KRT80: variants seen among roughly 807,000 people sequenced by gnomAD.
KRT80 encodes the protein keratin 80.
In KRT80, 36 loss-of-function variants were observed where a neutral mutation model predicts 51.5. The observed-to-expected ratio is 0.70, with a 90% CI of 0.54 to 0.92. The LOEUF is 0.92. Ranked by LOEUF, KRT80 falls within the 40% of genes least tolerant of loss-of-function variation. The pLI, the probability that KRT80 is intolerant of heterozygous loss-of-function variation, is 0.00. For missense variants in KRT80, 566 were observed against 591.7 expected, an observed-to-expected ratio of 0.96 and a Z score of 0.45; for synonymous variants, 235 against 248.3, an observed-to-expected ratio of 0.95 and a Z score of 0.50.
chr12:52,180,751 G>A (rs1169907163), intron 3 of KRT80, 143 bp from the exon 4 acceptor site: 2 of 1,587,208 alleles, frequency 1.3e-6, no homozygotes. Context: ...GGAGCTGGAT[G>A]GGGATGGGGG....
rs11170031 is a variant in KRT80, at chr12:52,173,500, C to T, written c.831+100G>A. 3.0e-3 allele frequency: 3,541 copies of T among 1,179,050 alleles called. 88 individuals are homozygous for T. The African/African-American group carries it at 0.045, about 15-fold the overall frequency. 73.0% of individuals were successfully genotyped at this position (1,179,050 alleles called of 1,614,324 possible). ...ATTCCTCTCTCATAGACTTTCAGGA[C>T]AGAGAGCTGCAGGCAACCTCAGCCA... On this transcript the variant is annotated intron_variant, in intron 5 of 8. Coordinates refer to ENST00000394815, the MANE Select transcript of KRT80 (RefSeq NM_182507.3).
chr12:52,184,471 C>T (rs1255686724), intron 2 of KRT80, among the ~76,000 whole-genome samples: 1 of 152,230 alleles, frequency 6.6e-6, no homozygotes, highest in Non-Finnish European at 1.5e-5. Flanking sequence ...CAAAGACCTG[C>T]TGTGTGCTGA....
chr12:52,170,378 C>A lies in KRT80; in HGVS notation c.*1020G>T. 6.6e-6 allele frequency: 1 copy of A among 152,530 alleles called. No individual in the cohort carries two copies. 9.4% of individuals were successfully genotyped at this position (152,530 alleles called of 1,614,324 possible). A position where few individuals can be genotyped will look rare whatever the true frequency, so the allele number is the denominator to read the frequency against. ...GAATGCCAAGGAGGGGAGGGCCAGG[C>A]TATTTGGCCCAGTGGAGAGGAGAAC... is the stretch of plus-strand genomic sequence containing the variant. On this transcript the variant is annotated 3_prime_UTR_variant, in exon 9 of 9. Transcript: ENST00000394815.
chr12:52,172,994 C>T lies in KRT80; in HGVS notation c.957+44G>A, dbSNP rs536898620. ...TTCAGCACACATGACTGTGTGTCTCCCTGCTCTCCTCCCCGCCCCCAGGCG... is the reference window on the plus strand; with the variant it reads ...TTCAGCACACATGACTGTGTGTCTCTCTGCTCTCCTCCCCGCCCCCAGGCG... On this transcript the variant is annotated intron_variant, in intron 6 of 8. Transcript: ENST00000394815. 3.8e-6 allele frequency: 6 copies of T among 1,583,436 alleles called. No individual in the cohort carries two copies. In the African/African-American group the frequency reaches 6.7e-5, roughly 18 times the overall value.
chr12:52,172,435 A>C lies in KRT80; in HGVS notation c.958-17T>G, dbSNP rs370746229. On this transcript the variant is annotated splice_polypyrimidine_tract_variant and intron_variant, in intron 6 of 8. Coordinates refer to ENST00000394815, the MANE Select transcript of KRT80 (RefSeq NM_182507.3). ...TTTCAGGCACTGCAGCCAGGAGGACAGAGTGAAAGGGCCTGTGAGCAGGGG... is the reference window on the plus strand; with the variant it reads ...TTTCAGGCACTGCAGCCAGGAGGACCGAGTGAAAGGGCCTGTGAGCAGGGG... The C allele has an allele frequency of 1.8e-5, 29 of 1,602,596 alleles. No individual in the cohort carries two copies. The highest frequency in any genetic ancestry group is 2.1e-5 in the Non-Finnish European group (25 of 1,172,026).
rs1261692255 is a variant in KRT80, at chr12:52,185,854, G to C, written c.301-267C>G. On this transcript the variant is annotated intron_variant, in intron 1 of 8. Transcript: ENST00000394815. The stretch of plus-strand genomic sequence containing the variant: ...GGCAGGGCAGGGCTGGCAGAGGAAG[G>C]GGGTAAGAGGGTGTGAGAGTGCCAA... The C allele has an allele frequency of 1.1e-5, 6 of 566,850 alleles. No homozygotes were observed. In the East Asian group the frequency reaches 1.8e-4, roughly 17 times the overall value. The allele number at this position is 566,850 out of a possible 1,614,324, so 35.1% of individuals were successfully genotyped here. A position where few individuals can be genotyped will look rare whatever the true frequency, so the allele number is the denominator to read the frequency against.
intron 4 of KRT80, among the ~76,000 whole-genome samples, chr12:52,179,271 G>T (rs1438734521): frequency 6.6e-6 from 1 of 152,224 alleles, no homozygotes; most frequent in Non-Finnish European, 1.5e-5. Flanking sequence ...GCCAGCCTGG[G>T]CTGCACCAGC....
intron 4 of KRT80, 38 bp downstream of exon 4, chr12:52,180,475 C>A: frequency 7.3e-7 from 1 of 1,362,204 alleles, no homozygotes; most frequent in Non-Finnish European, 9.6e-7. Context: ...GACCAGCCAG[C>A]TCTGGGCTTG....
At position 52,173,775 on chromosome 12, in the gene KRT80, A is replaced by G; in HGVS notation, c.667-11T>C. 6.2e-7 allele frequency: 1 copy of G among 1,607,914 alleles called. No homozygotes were observed. Among genetic ancestry groups the G allele is most frequent in the Non-Finnish European group, 8.5e-7 (1 of 1,179,688 alleles). On this transcript the variant is annotated splice_polypyrimidine_tract_variant and intron_variant, in intron 4 of 8. Coordinates refer to ENST00000394815, the MANE Select transcript of KRT80 (RefSeq NM_182507.3). ...CAGGTCCTTCAGCTCCTGACCGGGC[A>G]CAGATGTGGGGGCTCAGGGCTGGTG...
In KRT80 at chr12:52,170,815, T is replaced by C. The variant is rs1010295113; in HGVS notation, c.*583A>G. 1.3e-5 allele frequency: 2 copies of C among 152,796 alleles called. No homozygotes were observed. Among genetic ancestry groups the C allele is most frequent in the African/African-American group, 2.4e-5 (1 of 41,406 alleles). The allele number at this position is 152,796 out of a possible 1,614,324, so 9.5% of individuals were successfully genotyped here. The stretch of plus-strand genomic sequence containing the variant: ...GGTCCCAAATAGCCAGGGCCCCTCC[T>C]CCCTTCACTCCCTAATACTGTCAGG... On this transcript the variant is annotated 3_prime_UTR_variant, in exon 9 of 9. Transcript: ENST00000394815.
At chr12:52,172,884 A>AT (rs574452129) in intron 6 of KRT80, among the ~76,000 whole-genome samples, 154 bp downstream of exon 6, 47 of 152,266 alleles carry the variant, frequency 3.1e-4, no homozygotes, top group African/African-American at 1.1e-3. Context: ...AGGCTGTGCT[A>AT]TTATCCCATT....
At chr12:52,189,882 C>T (rs2120951048) in intron 1 of KRT80, among the ~76,000 whole-genome samples, 1 of 152,356 alleles carries the variant, frequency 6.6e-6, no homozygotes, top group Middle Eastern at 3.4e-3. Context: ...TATATCCTCC[C>T]ATCCCCATGG....
chr12:52,180,461 C>G, intron 4 of KRT80, 52 bp downstream of exon 4: 1 of 1,296,440 alleles, frequency 7.7e-7, no homozygotes, highest in African/African-American at 1.5e-5. Flanking sequence ...GTCCTTTACC[C>G]ATGGACCAGC....
In KRT80 at chr12:52,191,856, C is replaced by T. The variant is rs755323849; in HGVS notation, c.47G>A (p.Cys16Tyr). 1.3e-6 allele frequency: 2 copies of T among 1,542,258 alleles called. No individual in the cohort carries two copies. Among genetic ancestry groups the T allele is most frequent in the East Asian group, 2.3e-5 (1 of 42,650 alleles). Residue 16 changes from cysteine (C) to tyrosine (Y), a missense_variant, in exon 1 of 9, where the codon TGT becomes TAT. Physicochemically the swap from Cys to Tyr is radical, Grantham distance 194. Coordinates refer to ENST00000394815, the MANE Select transcript of KRT80 (RefSeq NM_182507.3). ...GGGGCTGCCCACCGGGGTCACCTCA[C>T]AGCTGCTGAGGCTGCTGAAGCCAAC... Reference protein sequence around the residue: ...CVVGFSSLSSCEVTPVGSPRP... With the variant: ...CVVGFSSLSSYEVTPVGSPRP...
In KRT80 at chr12:52,173,125, G is replaced by A; in HGVS notation, c.870C>T (p.Ser290=). 4 of 1,613,204 alleles carry A rather than the reference G, an allele frequency of 2.5e-6. No individual in the cohort carries two copies. The highest frequency in any genetic ancestry group is 2.5e-6 in the Non-Finnish European group (3 of 1,179,634). ...EQAARSAEYG[S]SLQSSRSEIA... is the part of the protein sequence containing the mutation. ...TCTCGCTGCGGCTGCTCTGGAGGCT[G>A]CTCCCATACTCGGCCGAGCGGGCGG... Residue 290 remains serine, a synonymous_variant, in exon 6 of 9, where the codon AGC becomes AGT. Coordinates refer to ENST00000394815, the MANE Select transcript of KRT80 (RefSeq NM_182507.3).
intron 5 of KRT80, 22 bp from the exon 6 acceptor site, chr12:52,173,185 A>G (rs779393670): frequency 6.3e-7 from 1 of 1,592,516 alleles, no homozygotes; most frequent in South Asian, 1.1e-5. Flanking sequence ...TGGAGGTCTC[A>G]GTGAGGGGCA....
Position 52,191,907 on chromosome 12 carries a change from C to T in KRT80, c.-5G>A, listed in dbSNP as rs1332043991. On this transcript the variant is annotated 5_prime_UTR_variant, in exon 1 of 9. Coordinates refer to ENST00000394815, the MANE Select transcript of KRT80 (RefSeq NM_182507.3). The stretch of plus-strand genomic sequence containing the variant: ...CACGCAGGAGCGGCAGGCCATGGTG[C>T]CCCCGGCCGGAAGCAGGAGGGCCCA... 5 of 1,459,108 alleles carry T rather than the reference C, an allele frequency of 3.4e-6. No individual in the cohort carries two copies. Among genetic ancestry groups the T allele is most frequent in the Admixed American group, 2.6e-5 (1 of 38,750 alleles). 90.4% of individuals were successfully genotyped at this position (1,459,108 alleles called of 1,614,324 possible).
In KRT80 at chr12:52,181,919, C is replaced by T. The variant is rs576202527; in HGVS notation, c.510-956G>A. 2.0e-5 allele frequency among the ~76,000 whole-genome samples: 3 copies of T among 152,346 alleles called. No homozygotes were observed. The South Asian group carries it at 6.2e-4, about 32-fold the overall frequency. ...CGGGGAATGCCTGAATCACTGGCGGCTCTAATTACAGCCGCCTGCCTACCT... is the reference window on the plus strand; with the variant it reads ...CGGGGAATGCCTGAATCACTGGCGGTTCTAATTACAGCCGCCTGCCTACCT... On this transcript the variant is annotated intron_variant, in intron 2 of 8. Transcript: ENST00000394815.
intron 2 of KRT80, among the ~76,000 whole-genome samples, chr12:52,184,165 A>G (rs1941366096): frequency 6.6e-6 from 1 of 152,130 alleles, no homozygotes; most frequent in East Asian, 1.9e-4. Context: ...GCTGCTCTGG[A>G]GGTTGTGGGT....
Sources: gnomAD v4.1 joint callset for allele counts (sites outside exome capture counted in the v4.1 genomes callset) on GRCh38, gnomAD v4.1.1 for gene constraint, MANE v1.5 for transcripts, NCBI Gene and HGNC (gene_info 2026-07-23, HGNC 2026-07-21) for gene names.